Variants in HCRTR2 observed in about 807,000 individuals in gnomAD.
HCRTR2 encodes orexin receptor type 2.
A neutral mutation model predicts 49.0 loss-of-function variants in HCRTR2; 22 were observed. The observed-to-expected ratio is 0.45, with a 90% CI of 0.32 to 0.64. The LOEUF (loss-of-function observed/expected upper bound fraction) is 0.64. Ranked by LOEUF, HCRTR2 falls within the 30% of genes least tolerant of loss-of-function variation. The pLI is 0.04. For synonymous variants in HCRTR2, 236 were observed against 205.3 expected, an observed-to-expected ratio of 1.15 and a Z score of -1.28; for missense variants, 491 against 559.4, an observed-to-expected ratio of 0.88 and a Z score of 1.23.
At chr6:55,183,725 A>G (rs1210170282) in intron 1 of HCRTR2, among the ~76,000 whole-genome samples, 1 of 152,218 alleles carries the variant, frequency 6.6e-6, no homozygotes, top group Admixed American at 6.5e-5. Flanking sequence ...CAAACTGACA[A>G]TAAAGAACAT....
At chr6:55,279,275 T>G (rs1767141389) in intron 5 of HCRTR2, among the ~76,000 whole-genome samples, 1 of 152,110 alleles carries the variant, frequency 6.6e-6, no homozygotes, top group Non-Finnish European at 1.5e-5. Flanking sequence ...CATTCCTAGC[T>G]TTTTCTCCTT....
intron 1 of HCRTR2, among the ~76,000 whole-genome samples, chr6:55,191,212 T>C (rs1765309922): frequency 6.6e-6 from 1 of 152,210 alleles, no homozygotes; most frequent in African/African-American, 2.4e-5. Context: ...AGTGCGTACA[T>C]TGGTGTAATT....
intron 1 of HCRTR2, among the ~76,000 whole-genome samples, chr6:55,196,357 G>A (rs1176966857): frequency 6.6e-6 from 1 of 152,302 alleles, no homozygotes; most frequent in African/African-American, 2.4e-5. Context: ...AAGTATCGGA[G>A]CTTTTGTGTT....
chr6:55,155,981 T>A (rs1764725176), intron 1 of HCRTR2, among the ~76,000 whole-genome samples: 1 of 151,932 alleles, frequency 6.6e-6, no homozygotes, highest in Admixed American at 6.6e-5. Context: ...TCATCTAAAC[T>A]TCAGGTACCA....
At chr6:55,131,512 G>T (rs1764354475) in intron 1 of HCRTR2, among the ~76,000 whole-genome samples, 1 of 151,556 alleles carries the variant, frequency 6.6e-6, no homozygotes, top group African/African-American at 2.4e-5. Context: ...GTGGTTTTAA[G>T]GATAATAGCT....
intron 1 of HCRTR2, among the ~76,000 whole-genome samples, chr6:55,135,143 T>A (rs1312073625): frequency 6.6e-6 from 1 of 152,068 alleles, no homozygotes; most frequent in Non-Finnish European, 1.5e-5. Flanking sequence ...GTAAAGACTC[T>A]ACTGTAAAAA....
chr6:55,163,928 C>CA (rs1764841164), intron 1 of HCRTR2, among the ~76,000 whole-genome samples: 1 of 151,822 alleles, frequency 6.6e-6, no homozygotes, highest in Non-Finnish European at 1.5e-5. Flanking sequence ...AACAAATTTA[C>CA]AAGAAAAAAA....
chr6:55,144,287 T>G (rs1056121868), intron 1 of HCRTR2, among the ~76,000 whole-genome samples: 1 of 150,126 alleles, frequency 6.7e-6, no homozygotes, highest in Non-Finnish European at 1.5e-5. Context: ...TAATTTTGTA[T>G]TTTTTTTTAG....
At chr6:55,164,366 A>G (rs1764847202) in intron 1 of HCRTR2, among the ~76,000 whole-genome samples, 3 of 152,210 alleles carry the variant, frequency 2.0e-5, no homozygotes, top group Admixed American at 2.0e-4. Context: ...AAAGACTTGG[A>G]ACCAACCCAG....
At chr6:55,236,546 G>A (rs1005699417) in intron 1 of HCRTR2, among the ~76,000 whole-genome samples, 4 of 151,920 alleles carry the variant, frequency 2.6e-5, no homozygotes, top group African/African-American at 9.7e-5. Flanking sequence ...CCTTGCTCCA[G>A]CACAATGCTA....
At chr6:55,209,102 C>G (rs1382795075) in intron 1 of HCRTR2, among the ~76,000 whole-genome samples, 1 of 152,050 alleles carries the variant, frequency 6.6e-6, no homozygotes, top group African/African-American at 2.4e-5. Flanking sequence ...ACAATGTTTT[C>G]TAAATCCATT....
At chr6:55,156,868 A>C (rs112987169) in intron 1 of HCRTR2, among the ~76,000 whole-genome samples, 3,111 of 152,264 alleles carry the variant, frequency 0.02, 49 homozygotes, top group Non-Finnish European at 0.026. Context: ...ACAGACTAGG[A>C]ATAGAAGGGA....
At chr6:55,174,045 C>T (rs992011499), upstream of HCRTR2, among the ~76,000 whole-genome samples, 1 of 151,960 alleles carries the variant, frequency 6.6e-6, no homozygotes, top group African/African-American at 2.4e-5. Flanking sequence ...TGTATGTTGA[C>T]ATTTTTGTCA....
At chr6:55,266,285 T>G (rs1178817270) in intron 4 of HCRTR2, among the ~76,000 whole-genome samples, 1 of 152,208 alleles carries the variant, frequency 6.6e-6, no homozygotes, top group African/African-American at 2.4e-5. Flanking sequence ...GTTCTTCTAC[T>G]CTACTAAGAT....
At chr6:55,209,317 T>C (rs1765657475) in intron 1 of HCRTR2, among the ~76,000 whole-genome samples, 1 of 152,172 alleles carries the variant, frequency 6.6e-6, no homozygotes, top group South Asian at 2.1e-4. Flanking sequence ...AGTTATAAAA[T>C]ACTTCACTAA....
At chr6:55,136,254 C>T (rs999484232) in intron 1 of HCRTR2, among the ~76,000 whole-genome samples, 2 of 152,114 alleles carry the variant, frequency 1.3e-5, no homozygotes, top group African/African-American at 4.8e-5. Context: ...TTTGAAACAG[C>T]TGGTTGTCAT....
At chr6:55,202,345 G>A (rs764137226) in intron 1 of HCRTR2, among the ~76,000 whole-genome samples, 1 of 152,090 alleles carries the variant, frequency 6.6e-6, no homozygotes, top group East Asian at 1.9e-4. Context: ...TCAACTACCT[G>A]TAAATACAAC....
intron 6 of HCRTR2, among the ~76,000 whole-genome samples, chr6:55,281,653 A>G (rs189026858): frequency 1.3e-5 from 2 of 152,310 alleles, no homozygotes; most frequent in East Asian, 3.9e-4. Flanking sequence ...TATCTCCTCC[A>G]TAATTTAAAG....
chr6:55,253,993 A>T (rs1388522750), intron 2 of HCRTR2, among the ~76,000 whole-genome samples: 2 of 152,156 alleles, frequency 1.3e-5, no homozygotes, highest in Non-Finnish European at 2.9e-5. Flanking sequence ...ACATTTATCT[A>T]TGTAACAAAC....
Sources: allele counts gnomAD v4.1 joint callset (sites outside exome capture counted in the v4.1 genomes callset), GRCh38; gene constraint gnomAD v4.1.1; transcripts MANE v1.5; gene names NCBI Gene and HGNC (gene_info 2026-07-23, HGNC 2026-07-21).